Variants in BAHCC1 observed in about 807,000 individuals in gnomAD.
BAHCC1 encodes BAH domain and coiled-coil containing 1, also known as BAH and coiled-coil domain-containing protein 1.
A neutral mutation model predicts 88.2 loss-of-function variants in BAHCC1; 43 were observed. The observed-to-expected ratio is 0.49, with a 90% CI of 0.38 to 0.63. The LOEUF (loss-of-function observed/expected upper bound fraction) is 0.63, where lower values mean the gene tolerates loss of function less well. Ranked by LOEUF, BAHCC1 falls within the 20% of genes least tolerant of loss-of-function variation. The probability of loss-of-function intolerance (pLI) is 0.00; values close to 1 mark genes in which losing one functional copy is unlikely to be tolerated. For missense variants in BAHCC1, 3,023 were observed against 1,654.8 expected (o/e 1.83, Z -14.34); for synonymous variants, 1,510 against 745.5 (o/e 2.03, Z -16.71).
intron 4 of BAHCC1, among the ~76,000 whole-genome samples, chr17:81,439,710 G>C (rs565691089): frequency 1.3e-5 from 2 of 151,920 alleles, no homozygotes; most frequent in Admixed American, 6.5e-5. Context: ...AGCTCAGGGT[G>C]GGGGCAGAGG....
chr17:81,461,655 C>T lies in BAHCC1; in HGVS notation c.6992C>T (p.Ser2331Phe). ...SGSSTSSSSG[S>F]VSTSSLCSSD... ...TCGTCCACCTCCTCCTCCTCAGGCT[C>T]CGTGTCCACCTCCAGCCTCTGCTCC... The change falls in exon 26 of 28, where the codon TCC (serine) becomes TTC (phenylalanine). Residue 2331 changes from serine to phenylalanine, a missense_variant. Transcript: ENST00000675386. The T allele has an allele frequency of 1.4e-6, 1 of 734,472 alleles. No homozygotes were observed. Among genetic ancestry groups the T allele is most frequent in the Non-Finnish European group, 2.5e-6 (1 of 394,652 alleles). The allele number at this position is 734,472 out of a possible 1,614,324, so 45.5% of individuals were successfully genotyped here. A position where few individuals can be genotyped will look rare whatever the true frequency, so the allele number is the denominator to read the frequency against.
At chr17:81,429,840 A>AC (rs2064240233) in intron 3 of BAHCC1, among the ~76,000 whole-genome samples, 2 of 150,906 alleles carry the variant, frequency 1.3e-5, no homozygotes, top group African/African-American at 2.4e-5. Context: ...AGCCCCAGGA[A>AC]CCCCCCATGC....
Position 81,442,094 on chromosome 17 carries a change from C to T in BAHCC1, c.745C>T (p.Arg249Trp), listed in dbSNP as rs913420813. Reference protein sequence around the residue: ...PAAEEDGGKERHKLVLPVPAD... With the variant: ...PAAEEDGGKEWHKLVLPVPAD... ...GGCAGAGGAGGACGGTGGCAAGGAG[C>T]GGCACAAGCTGGTGCTGCCCGTGCC... Residue 249 changes from arginine to tryptophan, a missense_variant, in exon 5 of 28, where the codon CGG (arginine) becomes TGG (tryptophan). Coordinates refer to ENST00000675386, the MANE Select transcript of BAHCC1 (RefSeq NM_001377448.1). 2 of 703,792 alleles carry T rather than the reference C, an allele frequency of 2.8e-6. No individual in the cohort carries two copies. Among genetic ancestry groups the T allele is most frequent in the East Asian group, 2.6e-5 (1 of 38,656 alleles). The allele number at this position is 703,792 out of a possible 1,614,324, so 43.6% of individuals were successfully genotyped here.
At chr17:81,458,110 C>A in intron 17 of BAHCC1, 55 bp from the exon 18 acceptor site, 1 of 709,384 alleles carries the variant, frequency 1.4e-6, no homozygotes, top group Non-Finnish European at 2.6e-6. Context: ...GTCAGCCCAA[C>A]CAGCCGGGTC....
chr17:81,399,936 C>G lies in BAHCC1; in HGVS notation c.178+19C>G. On this transcript the variant is annotated intron_variant, in intron 2 of 27. Coordinates refer to ENST00000675386, the MANE Select transcript of BAHCC1 (RefSeq NM_001377448.1). This position sits in a 1 kb window ranked among gnomAD's most constrained non-coding sequence, Gnocchi z 4.5. ...CACACAGGTCAGTGCTCGGCCGGGG[C>G]GGGCGCGGGACGGGAGCGTTCGAGA... 1 of 1,344,378 alleles carries G rather than the reference C, an allele frequency of 7.4e-7. No homozygotes were observed. 83.3% of individuals were successfully genotyped at this position (1,344,378 alleles called of 1,614,324 possible). A position where few individuals can be genotyped will look rare whatever the true frequency, so the allele number is the denominator to read the frequency against.
intron 15 of BAHCC1, 122 bp from the exon 16 acceptor site, chr17:81,456,175 G>A (rs1261876763): frequency 1.7e-5 from 10 of 599,246 alleles, no homozygotes; most frequent in East Asian, 1.2e-4. Context: ...CCTGTGGATC[G>A]AGGGCAGGGG....
At chr17:81,448,484 C>A (rs905411659) in intron 11 of BAHCC1, among the ~76,000 whole-genome samples, 11 of 152,300 alleles carry the variant, frequency 7.2e-5, no homozygotes, top group Middle Eastern at 6.8e-3. Flanking sequence ...TCCCTGCGGT[C>A]CAGTGCTCCC....
chr17:81,415,905 G>T (rs534212174), intron 2 of BAHCC1, among the ~76,000 whole-genome samples: 16 of 152,378 alleles, frequency 1.1e-4, no homozygotes, highest in Non-Finnish European at 2.2e-4. Context: ...TGGGCAGAGC[G>T]CCCCACCCTG....
chr17:81,451,941 G>A lies in BAHCC1; in HGVS notation c.4180-30G>A, dbSNP rs549791455. The A allele has an allele frequency of 6.4e-6, 4 of 625,652 alleles. No individual in the cohort carries two copies. In the Admixed American group the frequency reaches 7.7e-5, roughly 12 times the overall value. The allele number at this position is 625,652 out of a possible 1,614,324, so 38.8% of individuals were successfully genotyped here. A position where few individuals can be genotyped will look rare whatever the true frequency, so the allele number is the denominator to read the frequency against. On this transcript the variant is annotated intron_variant, in intron 12 of 27. Coordinates refer to ENST00000675386, the MANE Select transcript of BAHCC1 (RefSeq NM_001377448.1). ...GAGCCCCAGCCTGGGCCCTGGCCCG[G>A]CTCACAGGCCCCTGTGCCCCCCCCA...
Position 81,399,675 on chromosome 17 carries a change from G to A in BAHCC1, c.-65G>A, listed in dbSNP as rs1410427679. ...CGCCTCTGCGCCGCCCGCGCGCCGAGCCGCCCCCGGGCCCCGGCCGCGCTG... is the reference window on the plus strand; with the variant it reads ...CGCCTCTGCGCCGCCCGCGCGCCGAACCGCCCCCGGGCCCCGGCCGCGCTG... On this transcript the variant is annotated 5_prime_UTR_variant, in exon 2 of 28. Coordinates refer to ENST00000675386, the MANE Select transcript of BAHCC1 (RefSeq NM_001377448.1). The surrounding 1 kb of genome is among the most constrained non-coding windows in gnomAD (Gnocchi z 4.5). 18 of 969,024 alleles carry A rather than the reference G, an allele frequency of 1.9e-5. No individual in the cohort carries two copies. In the Admixed American group the frequency reaches 1.9e-4, roughly 10 times the overall value. 60.0% of individuals were successfully genotyped at this position (969,024 alleles called of 1,614,324 possible). A position where few individuals can be genotyped will look rare whatever the true frequency, so the allele number is the denominator to read the frequency against.
At chr17:81,433,431 C>T (rs1352385398) in intron 3 of BAHCC1, among the ~76,000 whole-genome samples, 1 of 151,640 alleles carries the variant, frequency 6.6e-6, no homozygotes, top group Non-Finnish European at 1.5e-5. Flanking sequence ...GCTGAGGCCC[C>T]TCCTGTGCCC....
At chr17:81,459,751 AGGCGCCATG>A in intron 23 of BAHCC1, 147 bp downstream of exon 23, 1 of 296,266 alleles carries the variant, frequency 3.4e-6, no homozygotes, top group Admixed American at 4.1e-5. Flanking sequence ...TGAGCTCCCC[AGGCGCCATG>A]AAAAAGCACA....
In BAHCC1 at chr17:81,466,237, T is replaced by C. The variant is rs1555660779; in HGVS notation, c.*2420T>C. On this transcript the variant is annotated 3_prime_UTR_variant, in exon 28 of 28. Coordinates refer to ENST00000675386, the MANE Select transcript of BAHCC1 (RefSeq NM_001377448.1). ...AAATGGACAAAAAAACACACAAAGG[T>C]TTTATGAACAGCAGACTCTATGTAA... is the stretch of plus-strand genomic sequence containing the variant. 6.6e-6 allele frequency: 1 copy of C among 152,102 alleles called. No homozygotes were observed. The highest frequency in any genetic ancestry group is 1.5e-5 in the Non-Finnish European group (1 of 67,902). 9.4% of individuals were successfully genotyped at this position (152,102 alleles called of 1,614,324 possible).
rs550738284 is a variant in BAHCC1, at chr17:81,453,836, T to C, written c.4445+985T>C. On this transcript the variant is annotated intron_variant, in intron 14 of 27. Transcript: ENST00000675386. Reference sequence around the variant, plus strand: ...CTCCTGCCCTCACTCATCCAGGCAGTGGTGGCAGAGGCAGTTGGCCCCGGG... The same window carrying C: ...CTCCTGCCCTCACTCATCCAGGCAGCGGTGGCAGAGGCAGTTGGCCCCGGG... 2.6e-5 allele frequency among the ~76,000 whole-genome samples: 4 copies of C among 152,338 alleles called. No individual in the cohort carries two copies. The East Asian group carries it at 7.7e-4, about 29-fold the overall frequency.
rs1332428451 is a variant in BAHCC1, at chr17:81,440,108, G to A, written c.481+1616G>A. 4.6e-5 allele frequency among the ~76,000 whole-genome samples: 7 copies of A among 152,198 alleles called. No individual in the cohort carries two copies. In the East Asian group the frequency reaches 5.8e-4, roughly 13 times the overall value. ...CTCACCCAGGACAGGCACCCAAACC[G>A]GTCTCCTCACCCCACACCCCAGCTC... On this transcript the variant is annotated intron_variant, in intron 4 of 27. Coordinates refer to ENST00000675386, the MANE Select transcript of BAHCC1 (RefSeq NM_001377448.1).
intron 2 of BAHCC1, chr17:81,421,959 C>T (rs370823548): frequency 1.6e-5 from 7 of 425,544 alleles, no homozygotes; most frequent in Admixed American, 2.7e-5. Context: ...GGTCCCAGAA[C>T]GCTCATGCGA....
At chr17:81,403,374 G>A (rs782393614) in intron 2 of BAHCC1, among the ~76,000 whole-genome samples, 9 of 152,088 alleles carry the variant, frequency 5.9e-5, no homozygotes, top group Non-Finnish European at 1.0e-4. Flanking sequence ...GGGAAACCAG[G>A]TGCTCTGAGC....
In BAHCC1 at chr17:81,458,657, C is replaced by A. The variant is rs782228993; in HGVS notation, c.5380C>A (p.Arg1794Ser). 6.9e-6 allele frequency: 5 copies of A among 720,760 alleles called. No individual in the cohort carries two copies. The highest frequency in any genetic ancestry group is 5.2e-5 in the African/African-American group (3 of 57,492). The allele number at this position is 720,760 out of a possible 1,614,324, so 44.6% of individuals were successfully genotyped here. A position where few individuals can be genotyped will look rare whatever the true frequency, so the allele number is the denominator to read the frequency against. The stretch of plus-strand genomic sequence containing the variant: ...GGCCCTGTCCATCACGCTGGCCACA[C>A]GCAACGCCAAGGCCATCCTGGGGAA... Reference protein sequence around the residue: ...NGALSITLATRNAKAILGKGR... With the variant: ...NGALSITLATSNAKAILGKGR... Residue 1794 changes from arginine (R) to serine (S), a missense_variant, in exon 19 of 28, where the codon CGC becomes AGC. Physicochemically the swap from Arg to Ser is moderately radical, Grantham distance 110 (BLOSUM62 -1). Transcript: ENST00000675386.
intron 9 of BAHCC1, 52 bp from the exon 10 acceptor site, chr17:81,445,302 A>C: frequency 1.4e-6 from 1 of 737,292 alleles, no homozygotes. Context: ...CAGGGGGCCC[A>C]CTGGGGTCAG....
Sources: allele counts gnomAD v4.1 joint callset (sites outside exome capture counted in the v4.1 genomes callset), GRCh38; gene constraint gnomAD v4.1.1; non-coding constraint Gnocchi (gnomAD v3.1); transcripts MANE v1.5; gene names NCBI Gene and HGNC (gene_info 2026-07-23, HGNC 2026-07-21).